The following CLCC1 variants were observed in gnomAD, a reference collection of about 807,000 sequenced individuals.
The protein encoded by CLCC1 is chloride channel CLIC like 1.
A neutral mutation model predicts 63.3 loss-of-function variants in CLCC1; 39 were observed. That is an observed-to-expected ratio of 0.62 (90% CI 0.48 to 0.81). The LOEUF is 0.81. Ranked by LOEUF, CLCC1 falls within the 30% of genes least tolerant of loss-of-function variation. The probability of loss-of-function intolerance (pLI) is 0.00; values close to 1 mark genes in which losing one functional copy is unlikely to be tolerated. For missense variants in CLCC1, 549 were observed against 669.4 expected (o/e 0.82, Z 1.98); for synonymous variants, 217 against 239.8 (o/e 0.90, Z 0.88).
intron 5 of CLCC1, among the ~76,000 whole-genome samples, chr1:108,947,368 C>G (rs1654679250): frequency 6.6e-6 from 1 of 152,140 alleles, no homozygotes; most frequent in African/African-American, 2.4e-5. Context: ...GTGCACAGAG[C>G]TGAGTAAGTA....
At chr1:108,945,221 C>T (rs143644698) in intron 5 of CLCC1, among the ~76,000 whole-genome samples, 1 of 152,280 alleles carries the variant, frequency 6.6e-6, no homozygotes, top group East Asian at 1.9e-4. Context: ...TCTGTAAGTA[C>T]ATCGTGGCCT....
chr1:108,943,967 C>G lies in CLCC1; in HGVS notation c.430G>C (p.Glu144Gln). 6.2e-7 allele frequency: 1 copy of G among 1,613,570 alleles called. No homozygotes were observed. Among genetic ancestry groups the G allele is most frequent in the South Asian group, 1.1e-5 (1 of 90,944 alleles). ...LLEIQKFLNGEDWKPGALDDA... is the reference protein window; with the variant it reads ...LLEIQKFLNGQDWKPGALDDA... ...TCCAAGGCACCTGGTTTCCAGTCTT[C>G]TCCATTGAGAAACTTCTGTATTTCT... The change falls in exon 6 of 13, where the codon GAA (glutamate) becomes CAA (glutamine). Residue 144 changes from glutamate to glutamine, a missense_variant. Coordinates refer to ENST00000369969, the MANE Select transcript of CLCC1 (RefSeq NM_001377458.1).
intron 2 of CLCC1, among the ~76,000 whole-genome samples, chr1:108,953,853 A>T (rs1201386490): frequency 6.6e-6 from 1 of 151,752 alleles, no homozygotes; most frequent in African/African-American, 2.4e-5. Context: ...TCTACTAAAA[A>T]TACAAAATTA....
chr1:108,940,682 A>G (rs907255478), intron 8 of CLCC1, among the ~76,000 whole-genome samples: 5 of 152,212 alleles, frequency 3.3e-5, no homozygotes, highest in African/African-American at 9.6e-5. Context: ...TATTAGTTCT[A>G]ATTTTTCCAA....
chr1:108,943,718 G>A (rs200143301), intron 6 of CLCC1, 103 bp from the exon 7 acceptor site: 1 of 1,454,190 alleles, frequency 6.9e-7, no homozygotes, highest in South Asian at 1.2e-5. Flanking sequence ...TTTGTGGCTT[G>A]TTCATCAATA....
chr1:108,954,116 G>A (rs2101703089), intron 2 of CLCC1, among the ~76,000 whole-genome samples: 1 of 151,418 alleles, frequency 6.6e-6, no homozygotes, highest in Non-Finnish European at 1.5e-5. Context: ...GCTCAAGATG[G>A]GAGAGGCAGA....
rs1313395172 is a variant in CLCC1, at chr1:108,930,430, CTG to C, written c.*2115_*2116del. 1 of 153,730 alleles carries C rather than the reference CTG, an allele frequency of 6.5e-6. No individual in the cohort carries two copies. The highest frequency in any genetic ancestry group is 2.4e-5 in the African/African-American group (1 of 41,304). The allele number at this position is 153,730 out of a possible 1,614,324, so 9.5% of individuals were successfully genotyped here. ...AGGTTTTTTTTTCCTCCATGAAAAT[CTG>C]TTTTTTTAGGCCAAAGTCAGTATAA... On this transcript the variant is annotated 3_prime_UTR_variant, in exon 13 of 13. Transcript: ENST00000369969.
At position 108,940,219 on chromosome 1, in the gene CLCC1, G is replaced by A. The variant is rs1374017126; in HGVS notation, c.797-77C>T. 3 of 1,006,644 alleles carry A rather than the reference G, an allele frequency of 3.0e-6. No individual in the cohort carries two copies. In the African/African-American group the frequency reaches 4.8e-5, roughly 16 times the overall value. 62.4% of individuals were successfully genotyped at this position (1,006,644 alleles called of 1,614,324 possible). A position where few individuals can be genotyped will look rare whatever the true frequency, so the allele number is the denominator to read the frequency against. On this transcript the variant is annotated intron_variant, in intron 8 of 12. Coordinates refer to ENST00000369969, the MANE Select transcript of CLCC1 (RefSeq NM_001377458.1). ...CATTCCCAAACAAGACATTACTTTGGTTTTGACCCTCCCTGACCACCCACC... is the reference window on the plus strand; with the variant it reads ...CATTCCCAAACAAGACATTACTTTGATTTTGACCCTCCCTGACCACCCACC...
chr1:108,955,739 A>C (rs1245984750), intron 2 of CLCC1, among the ~76,000 whole-genome samples: 1 of 151,272 alleles, frequency 6.6e-6, no homozygotes, highest in East Asian at 1.9e-4. Context: ...AGAGAAAAGG[A>C]ATTTCTTTTC....
At position 108,943,974 on chromosome 1, in the gene CLCC1, G is replaced by A. The variant is rs905396583; in HGVS notation, c.423C>T (p.Leu141=). The change falls in exon 6 of 13, where the codon CTC becomes CTT. Residue 141 remains leucine (L), a synonymous_variant. Transcript: ENST00000369969. ...CACCTGGTTTCCAGTCTTCTCCATT[G>A]AGAAACTTCTGTATTTCTAACAAAG... ...RETLLEIQKF[L]NGEDWKPGAL... The A allele has an allele frequency of 6.2e-7, 1 of 1,613,262 alleles. No homozygotes were observed. The highest frequency in any genetic ancestry group is 1.3e-5 in the African/African-American group (1 of 74,860).
In CLCC1 at chr1:108,931,789, A is replaced by G. The variant is rs1652017903; in HGVS notation, c.*758T>C. Reference sequence around the variant, plus strand: ...GACAATATACCAAACCACAACGTAAAAAGTTTGTGTATACAAACTTTTTGT... The same window carrying G: ...GACAATATACCAAACCACAACGTAAGAAGTTTGTGTATACAAACTTTTTGT... On this transcript the variant is annotated 3_prime_UTR_variant, in exon 13 of 13. Coordinates refer to ENST00000369969, the MANE Select transcript of CLCC1 (RefSeq NM_001377458.1). The G allele has an allele frequency of 4.8e-6, 1 of 207,728 alleles. No individual in the cohort carries two copies. The highest frequency in any genetic ancestry group is 9.6e-6 in the Non-Finnish European group (1 of 104,710). 12.9% of individuals were successfully genotyped at this position (207,728 alleles called of 1,614,324 possible).
intron 2 of CLCC1, among the ~76,000 whole-genome samples, chr1:108,956,149 C>A (rs919990598): frequency 1.3e-5 from 2 of 151,398 alleles, no homozygotes; most frequent in African/African-American, 2.5e-5. Flanking sequence ...CCAAGTCACA[C>A]GAAGAGGCTG....
chr1:108,963,292 C>A, intron 1 of CLCC1, 69 bp downstream of exon 1: 1 of 677,142 alleles, frequency 1.5e-6, no homozygotes, highest in Non-Finnish European at 2.7e-6. Flanking sequence ...GTCCGCTGGA[C>A]CCGCCAGGGC....
At chr1:108,948,512 T>C (rs757066459) in intron 4 of CLCC1, among the ~76,000 whole-genome samples, 1 of 152,102 alleles carries the variant, frequency 6.6e-6, no homozygotes, top group Non-Finnish European at 1.5e-5. Context: ...TGGATAAACA[T>C]GACAATAATT....
chr1:108,945,768 A>T (rs184189681), intron 5 of CLCC1, among the ~76,000 whole-genome samples: 36 of 152,386 alleles, frequency 2.4e-4, no homozygotes, highest in Admixed American at 7.2e-4. Context: ...ACATATTTAT[A>T]ACTACCTTTA....
chr1:108,929,541 C>A lies in CLCC1; in HGVS notation c.*3006G>T. 1 of 675,500 alleles carries A rather than the reference C, an allele frequency of 1.5e-6. No individual in the cohort carries two copies. The highest frequency in any genetic ancestry group is 2.8e-5 in the Admixed American group (1 of 35,496). The allele number at this position is 675,500 out of a possible 1,614,324, so 41.8% of individuals were successfully genotyped here. ...AAGATTATTTCTTTCAGAAATCAGG[C>A]TGGGAACTAAAGAGAACAATATAAA... On this transcript the variant is annotated 3_prime_UTR_variant, in exon 13 of 13. Coordinates refer to ENST00000369969, the MANE Select transcript of CLCC1 (RefSeq NM_001377458.1).
At chr1:108,946,751 TAA>T (rs1227670387) in intron 5 of CLCC1, among the ~76,000 whole-genome samples, 3 of 152,204 alleles carry the variant, frequency 2.0e-5, no homozygotes, top group Non-Finnish European at 2.9e-5. Flanking sequence ...CTAAATGTTA[TAA>T]GTTATTAAAT....
chr1:108,934,600 A>G lies in CLCC1; in HGVS notation c.*45+25T>C, dbSNP rs1034715598. 2.0e-6 allele frequency: 3 copies of G among 1,514,898 alleles called. No individual in the cohort carries two copies. The South Asian group carries it at 3.8e-5, about 19-fold the overall frequency. 93.8% of individuals were successfully genotyped at this position (1,514,898 alleles called of 1,614,324 possible). A position where few individuals can be genotyped will look rare whatever the true frequency, so the allele number is the denominator to read the frequency against. ...TAATCAGAATTCTTGCAGAGAAGAG[A>G]AAGAGAGTGAAGAGTATACTTTACA... is the stretch of plus-strand genomic sequence containing the variant. On this transcript the variant is annotated intron_variant, in intron 12 of 12. Transcript: ENST00000369969.
In CLCC1 at chr1:108,931,394, C is replaced by T; in HGVS notation, c.*1153G>A. 4 of 1,551,020 alleles carry T rather than the reference C, an allele frequency of 2.6e-6. No individual in the cohort carries two copies. Among genetic ancestry groups the T allele is most frequent in the Non-Finnish European group, 3.5e-6 (4 of 1,147,102 alleles). ...AAGACAAGTATGGGACAGACTGGGA[C>T]CTGGAGTAACACTGGATCACAGACT... On this transcript the variant is annotated 3_prime_UTR_variant, in exon 13 of 13. Coordinates refer to ENST00000369969, the MANE Select transcript of CLCC1 (RefSeq NM_001377458.1).
Sources: allele counts gnomAD v4.1 joint callset (sites outside exome capture counted in the v4.1 genomes callset), GRCh38; gene constraint gnomAD v4.1.1; transcripts MANE v1.5; gene names NCBI Gene and HGNC (gene_info 2026-07-23, HGNC 2026-07-21).